The following MAB21L3 variants were observed in gnomAD, a reference collection of about 807,000 sequenced individuals.
MAB21L3 encodes protein mab-21-like 3.
A neutral mutation model predicts 37.7 loss-of-function variants in MAB21L3; 36 were observed. That is an observed-to-expected ratio of 0.96 (90% confidence interval 0.73 to 1.26). The LOEUF (loss-of-function observed/expected upper bound fraction) is 1.26. Among genes scored for constraint, MAB21L3 ranks in the 50% most tolerant of loss-of-function variants. MAB21L3 has a pLI of 0.00. For missense variants in MAB21L3, 430 were observed against 447.3 expected, an observed-to-expected ratio of 0.96 and a Z score of 0.35; for synonymous variants, 186 against 176.8, an observed-to-expected ratio of 1.05 and a Z score of -0.41.
Position 116,129,692 on chromosome 1 carries a change from C to G in MAB21L3, c.855+1353C>G, listed in dbSNP as rs766021179. On this transcript the variant is annotated intron_variant, in intron 7 of 7. Transcript: ENST00000369500. ...CATTGGGAGAAGGTGAACAAAACCC[C>G]CATTATCTCTCCCAATGCTTTGTAC... Among the ~76,000 whole-genome samples, 11 of 152,192 alleles carry G rather than the reference C, an allele frequency of 7.2e-5. 1 individual carries two copies. The South Asian group carries it at 1.9e-3, about 26-fold the overall frequency.
At chr1:116,111,586 A>C (rs1316954481) in intron 1 of MAB21L3, among the ~76,000 whole-genome samples, 43 bp from the exon 2 acceptor site, 1 of 151,250 alleles carries the variant, frequency 6.6e-6, no homozygotes, top group Non-Finnish European at 1.5e-5. Flanking sequence ...TACCAGCTTC[A>C]AGGAGATCAG....
rs1416056989 is a variant in MAB21L3 at position 116,127,577 on chromosome 1, C to G, written c.593C>G (p.Ser198Cys). The G allele has an allele frequency of 6.2e-7, 1 of 1,614,186 alleles. No homozygotes were observed. The change falls in exon 6 of 8, where the codon TCC (serine) becomes TGC (cysteine). Residue 198 changes from serine to cysteine, a missense_variant. Transcript: ENST00000369500. ...GCAGTGGAGATCCCCACCACCTGGTCCAAGAAAGCCCGGTGGCCTCGATGT... is the reference window on the plus strand; with the variant it reads ...GCAGTGGAGATCCCCACCACCTGGTGCAAGAAAGCCCGGTGGCCTCGATGT... ...VPAVEIPTTW[S>C]KKARWPRCLQ...
chr1:116,120,181 A>G (rs540178496), intron 3 of MAB21L3, among the ~76,000 whole-genome samples: 2 of 152,198 alleles, frequency 1.3e-5, no homozygotes, highest in South Asian at 2.1e-4. Flanking sequence ...AGATCCAACC[A>G]CAATGGCCTC....
rs2101622124 is a variant in MAB21L3, at chr1:116,136,538, G to A, written c.*3173G>A. ...TAGGAAGAATCAATATCGTCAAAAT[G>A]GCCAGACTGCCCAAGGTAATTTACA... On this transcript the variant is annotated 3_prime_UTR_variant, in exon 8 of 8. Transcript: ENST00000369500. 6.6e-6 allele frequency among the ~76,000 whole-genome samples: 1 copy of A among 152,256 alleles called. No homozygotes were observed. Among genetic ancestry groups the A allele is most frequent in the African/African-American group, 2.4e-5 (1 of 41,544 alleles).
chr1:116,115,449 T>C (rs1401831956), intron 3 of MAB21L3, among the ~76,000 whole-genome samples: 2 of 152,368 alleles, frequency 1.3e-5, no homozygotes, highest in Admixed American at 6.5e-5. Context: ...GTTTTTGTTT[T>C]GTTGAAATTT....
intron 7 of MAB21L3, among the ~76,000 whole-genome samples, chr1:116,131,158 TA>T (rs1660056595): frequency 6.6e-6 from 1 of 152,260 alleles, no homozygotes; most frequent in East Asian, 1.9e-4. Flanking sequence ...TATAATCCAG[TA>T]GGGGAAATGA....
At chr1:116,125,392 T>C (rs1012286028) in intron 5 of MAB21L3, among the ~76,000 whole-genome samples, 1 of 152,244 alleles carries the variant, frequency 6.6e-6, no homozygotes. Context: ...GGTTTTATAA[T>C]AGTAAATAGC....
At chr1:116,114,979 C>A (rs569353269) in intron 3 of MAB21L3, among the ~76,000 whole-genome samples, 1 of 152,262 alleles carries the variant, frequency 6.6e-6, no homozygotes, top group East Asian at 1.9e-4. Flanking sequence ...TATTTCATTC[C>A]CAGTCACCTT....
At position 116,136,798 on chromosome 1, in the gene MAB21L3, C is replaced by T; in HGVS notation, c.*3433C>T. ...AGGGATATAGATCAATGGAACAGAA[C>T]AGAGCCCTCAGAAATAACGCCGCAT... On this transcript the variant is annotated 3_prime_UTR_variant, in exon 8 of 8. Coordinates refer to ENST00000369500, the MANE Select transcript of MAB21L3 (RefSeq NM_152367.3). 6.6e-6 allele frequency among the ~76,000 whole-genome samples: 1 copy of T among 150,776 alleles called. No homozygotes were observed. Among genetic ancestry groups the T allele is most frequent in the East Asian group, 1.9e-4 (1 of 5,146 alleles).
In MAB21L3 at chr1:116,121,075, A is replaced by G. The variant is rs1350581898; in HGVS notation, c.189+3A>G. ...ACACGTACAATGAAAATATTAAGGT[A>G]AGCAAGTCTTGCTGTCTCTAAGTGC... On this transcript the variant is annotated splice_donor_region_variant and intron_variant, in intron 4 of 7. Transcript: ENST00000369500. The G allele has an allele frequency of 1.1e-5, 17 of 1,612,306 alleles. No homozygotes were observed. Among genetic ancestry groups the G allele is most frequent in the Non-Finnish European group, 1.4e-5 (17 of 1,179,112 alleles).
intron 3 of MAB21L3, among the ~76,000 whole-genome samples, chr1:116,116,282 T>C (rs1189086622): frequency 2.0e-5 from 3 of 152,070 alleles, no homozygotes; most frequent in East Asian, 1.9e-4. Context: ...GGCTACCAAA[T>C]AGCACGGTGA....
At position 116,114,348 on chromosome 1, in the gene MAB21L3, C is replaced by T. The variant is rs185022801; in HGVS notation, c.48+1685C>T. Among the ~76,000 whole-genome samples the T allele has an allele frequency of 6.6e-5, 10 of 152,154 alleles. No homozygotes were observed. In the South Asian group the frequency reaches 1.2e-3, roughly 19 times the overall value. On this transcript the variant is annotated intron_variant, in intron 3 of 7. Transcript: ENST00000369500. The stretch of plus-strand genomic sequence containing the variant: ...TTAAAGGCAAGAGTGGTGTGGAAGG[C>T]GACAGGTCAAGGTGCATACAGGATC...
chr1:116,117,432 A>T (rs1264811840), intron 3 of MAB21L3, among the ~76,000 whole-genome samples: 1 of 151,856 alleles, frequency 6.6e-6, no homozygotes, highest in Admixed American at 6.6e-5. Context: ...CTATTCTACC[A>T]CTAGCTTTAT....
At chr1:116,120,402 TAC>T (rs750221425) in intron 3 of MAB21L3, among the ~76,000 whole-genome samples, 3,498 of 91,380 alleles carry the variant, frequency 0.038, 52 homozygotes, top group Middle Eastern at 0.09. Context: ...TATTACATTA[TAC>T]ACACACACAC....
intron 5 of MAB21L3, among the ~76,000 whole-genome samples, chr1:116,125,878 A>G (rs548070649): frequency 2.7e-5 from 4 of 150,726 alleles, no homozygotes; most frequent in African/African-American, 1.0e-4. Context: ...GTGGGCCGGC[A>G]GGGTGTGGGC....
chr1:116,112,776 C>A, intron 3 of MAB21L3, 113 bp downstream of exon 3: 3 of 1,060,742 alleles, frequency 2.8e-6, no homozygotes, highest in African/African-American at 1.6e-5. Context: ...TAAAATGCTC[C>A]TCAGAAAACA....
In MAB21L3 at chr1:116,137,473, C is replaced by T. The variant is rs983333824; in HGVS notation, c.*4108C>T. ...TGGCAATCATTAAAAAGTCAGGAAA[C>T]AACAGGTGCTGGAGAGGATGTGGAG... is the stretch of plus-strand genomic sequence containing the variant. On this transcript the variant is annotated 3_prime_UTR_variant, in exon 8 of 8. Coordinates refer to ENST00000369500, the MANE Select transcript of MAB21L3 (RefSeq NM_152367.3). 1.4e-5 allele frequency among the ~76,000 whole-genome samples: 2 copies of T among 145,072 alleles called. No homozygotes were observed. The highest frequency in any genetic ancestry group is 5.5e-5 in the African/African-American group (2 of 36,554).
chr1:116,125,777 G>T (rs7545931), intron 5 of MAB21L3, among the ~76,000 whole-genome samples: 6,434 of 146,128 alleles, frequency 0.044, 387 homozygotes, highest in African/African-American at 0.15. Context: ...TTTCCTACCT[G>T]TTTTAGAGAT....
Position 116,112,638 on chromosome 1 carries a change from A to G in MAB21L3, c.23A>G (p.Asp8Gly). 1 of 1,613,660 alleles carries G rather than the reference A, an allele frequency of 6.2e-7. No individual in the cohort carries two copies. MKYLTVG[D>G]LEDCLLNKVD... ...GCCATGAAATACCTTACTGTGGGAG[A>G]CTTAGAAGATTGCCTACTGAATAAG... The change falls in exon 3 of 8, where the codon GAC becomes GGC. Residue 8 changes from aspartate to glycine, a missense_variant. Transcript: ENST00000369500.
Sources: gnomAD v4.1 joint callset for allele counts (sites outside exome capture counted in the v4.1 genomes callset) on GRCh38, gnomAD v4.1.1 for gene constraint, MANE v1.5 for transcripts, NCBI Gene and HGNC (gene_info 2026-07-23, HGNC 2026-07-21) for gene names.